TINAGL1: variants seen among roughly 807,000 people sequenced by gnomAD.
The protein encoded by TINAGL1 is tubulointerstitial nephritis antigen like 1.
A neutral mutation model predicts 62.0 loss-of-function variants in TINAGL1; 34 were observed. The observed-to-expected ratio is 0.55, with a 90% CI of 0.42 to 0.73. TINAGL1 has a LOEUF of 0.73. Ranked by LOEUF, TINAGL1 falls within the 30% of genes least tolerant of loss-of-function variation. The pLI is 0.00. For missense variants in TINAGL1, 516 were observed against 653.2 expected, an observed-to-expected ratio of 0.79 and a Z score of 2.29; for synonymous variants, 221 against 249.7, an observed-to-expected ratio of 0.88 and a Z score of 1.08.
chr1:31,585,185 C>T lies in TINAGL1; in HGVS notation c.892C>T (p.Arg298Cys), dbSNP rs764938372. Residue 298 changes from arginine (R) to cysteine (C), a missense_variant, in exon 8 of 12, where the codon CGT (arginine) becomes TGT (cysteine). Coordinates refer to ENST00000271064, the MANE Select transcript of TINAGL1 (RefSeq NM_022164.3). The surrounding 1 kb of genome is among the most constrained non-coding windows in gnomAD (Gnocchi z 4.3). ...VSDHCYPFSG[R>C]ERDEAGPAPP... ...TGACCACTGCTACCCCTTCTCGGGC[C>T]GTGAACGAGACGAGGCTGGCCCTGC... 27 of 1,597,830 alleles carry T rather than the reference C, an allele frequency of 1.7e-5. No homozygotes were observed. Among genetic ancestry groups the T allele is most frequent in the Admixed American group, 1.0e-4 (6 of 58,042 alleles).
rs1639287605 is a variant in TINAGL1 at position 31,583,013 on chromosome 1, C to A, written c.375-136C>A. ...GACGTTGACATTTAAAGCCACCAGGCTGGATGGGATCACCTAGAGATTCTC... is the reference window on the plus strand; with the variant it reads ...GACGTTGACATTTAAAGCCACCAGGATGGATGGGATCACCTAGAGATTCTC... On this transcript the variant is annotated intron_variant, in intron 3 of 11. Coordinates refer to ENST00000271064, the MANE Select transcript of TINAGL1 (RefSeq NM_022164.3). This position sits in a 1 kb window ranked among gnomAD's most constrained non-coding sequence, Gnocchi z 4.4. The A allele has an allele frequency of 5.4e-6, 4 of 742,594 alleles. No homozygotes were observed. Among genetic ancestry groups the A allele is most frequent in the Non-Finnish European group, 9.5e-6 (4 of 420,398 alleles). The allele number at this position is 742,594 out of a possible 1,614,324, so 46.0% of individuals were successfully genotyped here.
At chr1:31,578,429 C>G (rs111257115) in intron 2 of TINAGL1, among the ~76,000 whole-genome samples, 79 of 53,760 alleles carry the variant, frequency 1.5e-3, no homozygotes, top group Admixed American at 2.2e-3. Context: ...ATTTTAGTGA[C>G]AGCTGGTGTG....
intron 3 of TINAGL1, chr1:31,580,750 C>T: frequency 8.1e-7 from 1 of 1,236,234 alleles, no homozygotes; most frequent in Non-Finnish European, 1.0e-6. Context: ...CTTGTAAAAG[C>T]ATTATAGAAT....
Position 31,584,144 on chromosome 1 carries a change from T to A in TINAGL1, c.583-534T>A, listed in dbSNP as rs1286599888. Reference sequence around the variant, plus strand: ...TGGCAGGCAGCGGGGAGGCAGGGGCTGGCAGGAGTGGCCCTCCCTGCGGAG... The same window carrying A: ...TGGCAGGCAGCGGGGAGGCAGGGGCAGGCAGGAGTGGCCCTCCCTGCGGAG... On this transcript the variant is annotated intron_variant, in intron 5 of 11. Coordinates refer to ENST00000271064, the MANE Select transcript of TINAGL1 (RefSeq NM_022164.3). This position sits in a 1 kb window ranked among gnomAD's most constrained non-coding sequence, Gnocchi z 4.0. The A allele has an allele frequency of 5.9e-6, 1 of 168,240 alleles. No homozygotes were observed. Among genetic ancestry groups the A allele is most frequent in the Non-Finnish European group, 1.3e-5 (1 of 76,616 alleles). The allele number at this position is 168,240 out of a possible 1,614,324, so 10.4% of individuals were successfully genotyped here.
rs754287330 is a variant in TINAGL1, at chr1:31,585,740, C to T, written c.1094-13C>T. 6.2e-7 allele frequency: 1 copy of T among 1,610,722 alleles called. No homozygotes were observed. Among genetic ancestry groups the T allele is most frequent in the East Asian group, 2.2e-5 (1 of 44,848 alleles). The stretch of plus-strand genomic sequence containing the variant: ...ACGGGCTGAGTGGACCCTACCTTGA[C>T]ATCTGCCCACAGCCCTCATGGAGGT... On this transcript the variant is annotated splice_polypyrimidine_tract_variant and intron_variant, in intron 9 of 11. Transcript: ENST00000271064. This position sits in a 1 kb window ranked among gnomAD's most constrained non-coding sequence, Gnocchi z 4.3.
chr1:31,580,387 A>T (rs1639211192), intron 3 of TINAGL1: 1 of 1,289,056 alleles, frequency 7.8e-7, no homozygotes, highest in Admixed American at 2.3e-5. Context: ...AGGACAGAAC[A>T]GTCTACTGCC....
In TINAGL1 at chr1:31,585,944, T is replaced by G; in HGVS notation, c.1217+68T>G. ...TGTGCTAGGGGCTCTGGAGCCTGCC[T>G]TGGGTTCTTACAACCTCTCTAAAAA... is the stretch of plus-strand genomic sequence containing the variant. On this transcript the variant is annotated intron_variant, in intron 10 of 11. Coordinates refer to ENST00000271064, the MANE Select transcript of TINAGL1 (RefSeq NM_022164.3). This position sits in a 1 kb window ranked among gnomAD's most constrained non-coding sequence, Gnocchi z 4.3. 1 of 1,485,128 alleles carries G rather than the reference T, an allele frequency of 6.7e-7. No individual in the cohort carries two copies. Among genetic ancestry groups the G allele is most frequent in the Non-Finnish European group, 9.0e-7 (1 of 1,114,404 alleles). The allele number at this position is 1,485,128 out of a possible 1,614,324, so 92.0% of individuals were successfully genotyped here.
Position 31,587,122 on chromosome 1 carries a change from C to CCGCTGA in TINAGL1, c.*147_*152dup, listed in dbSNP as rs911231798. On this transcript the variant is annotated 3_prime_UTR_variant, in exon 12 of 12. Coordinates refer to ENST00000271064, the MANE Select transcript of TINAGL1 (RefSeq NM_022164.3). ...CAGGGCGCTAATCCCGGCGCGGGTT[C>CCGCTGA]CGCTGACGCAGCGCCCCGCCTGGGA... is the stretch of plus-strand genomic sequence containing the variant. 4.0e-6 allele frequency: 5 copies of CCGCTGA among 1,240,312 alleles called. No homozygotes were observed. The African/African-American group carries it at 6.3e-5, about 16-fold the overall frequency. 76.8% of individuals were successfully genotyped at this position (1,240,312 alleles called of 1,614,324 possible). A position where few individuals can be genotyped will look rare whatever the true frequency, so the allele number is the denominator to read the frequency against.
In TINAGL1 at chr1:31,584,428, T is replaced by A. The variant is rs183268448; in HGVS notation, c.583-250T>A. The A allele has an allele frequency of 3.4e-4, 179 of 522,530 alleles. No individual in the cohort carries two copies. Among genetic ancestry groups the A allele is most frequent in the Non-Finnish European group, 5.0e-4 (145 of 287,334 alleles). The allele number at this position is 522,530 out of a possible 1,614,324, so 32.4% of individuals were successfully genotyped here. On this transcript the variant is annotated intron_variant, in intron 5 of 11. Coordinates refer to ENST00000271064, the MANE Select transcript of TINAGL1 (RefSeq NM_022164.3). The surrounding 1 kb of genome is among the most constrained non-coding windows in gnomAD (Gnocchi z 4.0). ...TCTGTGCCTGGCCTCAGCTGCCTCA[T>A]CTGGGAAGCAGGACTAGTCACCACC...
intron 3 of TINAGL1, chr1:31,580,282 C>T: frequency 2.5e-6 from 3 of 1,223,616 alleles, no homozygotes. Context: ...GTCCCTGGCC[C>T]CTTAGGCCCC....
chr1:31,582,097 A>C (rs909037220), intron 3 of TINAGL1, among the ~76,000 whole-genome samples: 2 of 152,242 alleles, frequency 1.3e-5, no homozygotes, highest in African/African-American at 2.4e-5. Flanking sequence ...TGGAAGGCCA[A>C]GGCGGGTGGA....
rs1206462272 is a variant in TINAGL1 at position 31,585,704 on chromosome 1, T to G, written c.1094-49T>G. On this transcript the variant is annotated intron_variant, in intron 9 of 11. Transcript: ENST00000271064. This position sits in a 1 kb window ranked among gnomAD's most constrained non-coding sequence, Gnocchi z 4.3. ...ACATCTCAATAGACTCAGGCTCCAG[T>G]GCCTGTGCCAACGGGCTGAGTGGAC... is the stretch of plus-strand genomic sequence containing the variant. The G allele has an allele frequency of 6.3e-7, 1 of 1,591,566 alleles. No individual in the cohort carries two copies. The highest frequency in any genetic ancestry group is 2.2e-5 in the East Asian group (1 of 44,680).
chr1:31,580,855 C>T, intron 3 of TINAGL1: 1 of 1,081,244 alleles, frequency 9.2e-7, no homozygotes, highest in South Asian at 1.6e-5. Context: ...GGGAATGCAA[C>T]AGACACAGTC....
In TINAGL1 at chr1:31,584,597, G is replaced by A; in HGVS notation, c.583-81G>A. ...TAAACTGCAGAAGGCCCTGGACTTG[G>A]TGGCCCTCCAGTGCCAATGGGCACC... is the stretch of plus-strand genomic sequence containing the variant. On this transcript the variant is annotated intron_variant, in intron 5 of 11. Transcript: ENST00000271064. This position sits in a 1 kb window ranked among gnomAD's most constrained non-coding sequence, Gnocchi z 4.0. 6.3e-7 allele frequency: 1 copy of A among 1,597,038 alleles called. No individual in the cohort carries two copies. Among genetic ancestry groups the A allele is most frequent in the Non-Finnish European group, 8.6e-7 (1 of 1,168,302 alleles).
Position 31,584,798 on chromosome 1 carries a change from G to A in TINAGL1, c.703G>A (p.Ala235Thr), listed in dbSNP as rs1406444683. The change falls in exon 6 of 12, where the codon GCA (alanine) becomes ACA (threonine). Residue 235 changes from alanine (A) to threonine (T), a missense_variant. Physicochemically the swap from Ala to Thr is moderately conservative, Grantham distance 58. Transcript: ENST00000271064. This position sits in a 1 kb window ranked among gnomAD's most constrained non-coding sequence, Gnocchi z 4.0. ...TGCAGGCTCCTGGGCCTTCTCCACAGCAGGTAAGCCAAGGGCAAGGGCTGG... is the reference window on the plus strand; with the variant it reads ...TGCAGGCTCCTGGGCCTTCTCCACAACAGGTAAGCCAAGGGCAAGGGCTGG... ...NCAGSWAFST[A>T]AVASDRVSIH... 1.9e-6 allele frequency: 3 copies of A among 1,614,146 alleles called. No homozygotes were observed. Among genetic ancestry groups the A allele is most frequent in the Non-Finnish European group, 2.5e-6 (3 of 1,180,048 alleles).
chr1:31,587,423 A>C lies in TINAGL1; in HGVS notation c.*444A>C, dbSNP rs1639430081. Reference sequence around the variant, plus strand: ...AACCTCCGACTCCTGGGTTCAAGTGACCCTCCCACCTCAGCCTCTCAAGTA... The same window carrying C: ...AACCTCCGACTCCTGGGTTCAAGTGCCCCTCCCACCTCAGCCTCTCAAGTA... On this transcript the variant is annotated 3_prime_UTR_variant, in exon 12 of 12. Transcript: ENST00000271064. 6.6e-6 allele frequency: 1 copy of C among 151,170 alleles called. No individual in the cohort carries two copies. The highest frequency in any genetic ancestry group is 1.5e-5 in the Non-Finnish European group (1 of 68,590). The allele number at this position is 151,170 out of a possible 1,614,324, so 9.4% of individuals were successfully genotyped here.
At position 31,585,448 on chromosome 1, in the gene TINAGL1, G is replaced by T. The variant is rs370242255; in HGVS notation, c.1056G>T (p.Glu352Asp). The change falls in exon 9 of 12, where the codon GAG becomes GAT. Residue 352 changes from glutamate (E) to aspartate (D), a missense_variant. By Grantham distance (45) the Glu-to-Asp change is conservative (BLOSUM62 2). Transcript: ENST00000271064. This position sits in a 1 kb window ranked among gnomAD's most constrained non-coding sequence, Gnocchi z 4.3. ...PVYRLGSNDK[E>D]IMKELMENGP... The stretch of plus-strand genomic sequence containing the variant: ...CATCCCCTGCCCTCCAGGACAAGGA[G>T]ATCATGAAGGAGCTGATGGAGAATG... The T allele has an allele frequency of 3.7e-6, 6 of 1,614,074 alleles. No homozygotes were observed. The South Asian group carries it at 6.6e-5, about 18-fold the overall frequency.
intron 3 of TINAGL1, among the ~76,000 whole-genome samples, chr1:31,579,513 A>G (rs1160956482): frequency 1.3e-5 from 2 of 152,168 alleles, no homozygotes; most frequent in Non-Finnish European, 2.9e-5. Context: ...TTGAACTGAG[A>G]TCCTTCCCCA....
Position 31,585,987 on chromosome 1 carries a change from C to A in TINAGL1, c.1217+111C>A. Reference sequence around the variant, plus strand: ...TCTAAAAAGCCAGGACTGCTCTCATCATTTCAATAGGGAGAAAACTGAGAC... The same window carrying A: ...TCTAAAAAGCCAGGACTGCTCTCATAATTTCAATAGGGAGAAAACTGAGAC... On this transcript the variant is annotated intron_variant, in intron 10 of 11. Transcript: ENST00000271064. The surrounding 1 kb of genome is among the most constrained non-coding windows in gnomAD (Gnocchi z 4.3). 2 of 1,346,246 alleles carry A rather than the reference C, an allele frequency of 1.5e-6. 1 individual carries two copies. Among genetic ancestry groups the A allele is most frequent in the South Asian group, 3.5e-5 (2 of 57,100 alleles). 83.4% of individuals were successfully genotyped at this position (1,346,246 alleles called of 1,614,324 possible).
Sources: allele counts gnomAD v4.1 joint callset (sites outside exome capture counted in the v4.1 genomes callset), GRCh38; gene constraint gnomAD v4.1.1; non-coding constraint Gnocchi (gnomAD v3.1); transcripts MANE v1.5; gene names NCBI Gene and HGNC (gene_info 2026-07-23, HGNC 2026-07-21).